DNMT1: variants seen among roughly 807,000 people sequenced by gnomAD.
DNMT1 encodes DNA (cytosine-5)-methyltransferase 1.
DNMT1 carries 24 observed loss-of-function variants against 205.3 expected under a neutral mutation model. That is an observed-to-expected ratio of 0.12 (90% CI 0.08 to 0.16). The LOEUF (loss-of-function observed/expected upper bound fraction) is 0.16. Ranked by LOEUF, DNMT1 falls within the 10% of genes least tolerant of loss-of-function variation. DNMT1 has a pLI of 1.00. For missense variants in DNMT1, 1,293 were observed against 2,177.7 expected (o/e 0.59, Z 8.09); for synonymous variants, 817 against 839.8 (o/e 0.97, Z 0.47).
At chr19:10,191,119 G>A (rs1654343686) in intron 1 of DNMT1, among the ~76,000 whole-genome samples, 1 of 148,700 alleles carries the variant, frequency 6.7e-6, no homozygotes, top group Non-Finnish European at 1.5e-5. Flanking sequence ...GCCTCGAGGG[G>A]GAAAAAGAAA....
At chr19:10,139,277 C>A (rs1254971422) in intron 34 of DNMT1, among the ~76,000 whole-genome samples, 1 of 152,194 alleles carries the variant, frequency 6.6e-6, no homozygotes, top group Non-Finnish European at 1.5e-5. Context: ...GTCTTTTAAA[C>A]CAATCGAACA....
At chr19:10,155,773 G>A (rs543472375) in intron 19 of DNMT1, 80 bp downstream of exon 19, 7 of 1,453,320 alleles carry the variant, frequency 4.8e-6, no homozygotes, top group South Asian at 2.4e-5. Flanking sequence ...ATTCCCACCA[G>A]AGCCCCGTCA....
chr19:10,143,859 C>A lies in DNMT1; in HGVS notation c.3023G>T (p.Arg1008Leu), dbSNP rs746527645. The A allele has an allele frequency of 3.1e-6, 5 of 1,614,106 alleles. No homozygotes were observed. Among genetic ancestry groups the A allele is most frequent in the Non-Finnish European group, 3.4e-6 (4 of 1,180,020 alleles). The change falls in exon 29 of 41, where the codon CGA (arginine) becomes CTA (leucine). Residue 1008 changes from arginine (R) to leucine (L), a missense_variant. By Grantham distance (102) the Arg-to-Leu change is moderately radical. Coordinates refer to ENST00000359526, the MANE Select transcript of DNMT1 (RefSeq NM_001130823.3). Reference protein sequence around the residue: ...GSNLDAPEPYRIGRIKEIFCP... With the variant: ...GSNLDAPEPYLIGRIKEIFCP... ...GAAGATCTCTTTGATCCGGCCAATT[C>A]GGTAGGGCTCAGGGGCATCCAGGTT... is the stretch of plus-strand genomic sequence containing the variant.
In DNMT1 at chr19:10,137,594, G is replaced by A. The variant is rs10854076; in HGVS notation, c.4293+238C>T. ...GCGGGGAGAGGCAGCAAGGGGGAAG[G>A]CAGTGGTGGGTGGGCAGTGGCTTGA... On this transcript the variant is annotated intron_variant, in intron 36 of 40. Coordinates refer to ENST00000359526, the MANE Select transcript of DNMT1 (RefSeq NM_001130823.3). This position sits in a 1 kb window ranked among gnomAD's most constrained non-coding sequence, Gnocchi z 6.4. 2.0e-5 allele frequency: 13 copies of A among 663,374 alleles called. No individual in the cohort carries two copies. Among genetic ancestry groups the A allele is most frequent in the Admixed American group, 2.6e-5 (1 of 38,356 alleles). The allele number at this position is 663,374 out of a possible 1,614,324, so 41.1% of individuals were successfully genotyped here. A position where few individuals can be genotyped will look rare whatever the true frequency, so the allele number is the denominator to read the frequency against.
Position 10,140,617 on chromosome 19 carries a change from C to T in DNMT1, c.3523+164G>A. On this transcript the variant is annotated intron_variant, in intron 32 of 40. Coordinates refer to ENST00000359526, the MANE Select transcript of DNMT1 (RefSeq NM_001130823.3). This position sits in a 1 kb window ranked among gnomAD's most constrained non-coding sequence, Gnocchi z 8.4. ...ACTCCTGACCTCATGATCCACCCAC[C>T]TCGGCCTCCCAAAGTGCTGGGATTA... 1 of 1,269,912 alleles carries T rather than the reference C, an allele frequency of 7.9e-7. No individual in the cohort carries two copies. The highest frequency in any genetic ancestry group is 1.2e-5 in the South Asian group (1 of 80,066). The allele number at this position is 1,269,912 out of a possible 1,614,324, so 78.7% of individuals were successfully genotyped here. A position where few individuals can be genotyped will look rare whatever the true frequency, so the allele number is the denominator to read the frequency against.
At chr19:10,135,963 T>C (rs1411032758) in intron 38 of DNMT1, 111 bp from the exon 39 acceptor site, 1 of 1,476,522 alleles carries the variant, frequency 6.8e-7, no homozygotes, top group Non-Finnish European at 9.1e-7. Context: ...CCTTGGCCTA[T>C]GAGCTTGTCC....
intron 9 of DNMT1, among the ~76,000 whole-genome samples, chr19:10,170,486 A>G (rs994099224): frequency 5.9e-5 from 9 of 152,096 alleles, no homozygotes; most frequent in Non-Finnish European, 1.0e-4. Flanking sequence ...TAAAAGTACA[A>G]AAAGTTAATT....
rs112660071 is a variant in DNMT1 at position 10,151,737 on chromosome 19, C to T, written c.2117+13G>A. On this transcript the variant is annotated intron_variant, in intron 23 of 40. Transcript: ENST00000359526. The surrounding 1 kb of genome is among the most constrained non-coding windows in gnomAD (Gnocchi z 5.0). Reference sequence around the variant, plus strand: ...AGTCCTCTGCCACAGGAGGAAGACTCGGCCTGACCTACCTCCGCTCTTGGC... The same window carrying T: ...AGTCCTCTGCCACAGGAGGAAGACTTGGCCTGACCTACCTCCGCTCTTGGC... 4,172 of 1,614,010 alleles carry T rather than the reference C, an allele frequency of 2.6e-3. 2 individuals are homozygous for T. Among genetic ancestry groups the T allele is most frequent in the Non-Finnish European group, 3.1e-3 (3,652 of 1,179,948 alleles).
rs2038408167 is a variant in DNMT1, at chr19:10,154,250, T to C, written c.2019+43A>G. 1 of 1,605,912 alleles carries C rather than the reference T, an allele frequency of 6.2e-7. No homozygotes were observed. Among genetic ancestry groups the C allele is most frequent in the South Asian group, 1.1e-5 (1 of 90,854 alleles). ...GCAGTCCTCAGATCAGGCCAGAGGCTGGGCCACCTTAGGGGAGCGGGAGCA... is the reference window on the plus strand; with the variant it reads ...GCAGTCCTCAGATCAGGCCAGAGGCCGGGCCACCTTAGGGGAGCGGGAGCA... On this transcript the variant is annotated intron_variant, in intron 22 of 40. Coordinates refer to ENST00000359526, the MANE Select transcript of DNMT1 (RefSeq NM_001130823.3). This position sits in a 1 kb window ranked among gnomAD's most constrained non-coding sequence, Gnocchi z 6.3.
intron 7 of DNMT1, among the ~76,000 whole-genome samples, chr19:10,175,088 C>T (rs10413872): frequency 0.2 from 21,529 of 110,080 alleles, 2,354 homozygotes; most frequent in East Asian, 0.49. Flanking sequence ...CATACATACA[C>T]ACACACACAC....
At chr19:10,135,673 C>G in intron 39 of DNMT1, 63 bp downstream of exon 39, 2 of 1,553,844 alleles carry the variant, frequency 1.3e-6, no homozygotes, top group South Asian at 2.3e-5. Flanking sequence ...GCCCCAGCCC[C>G]ACCTGGTGAC....
intron 1 of DNMT1, among the ~76,000 whole-genome samples, chr19:10,183,071 A>ACG (rs2039106187): frequency 2.7e-5 from 4 of 148,274 alleles, no homozygotes; most frequent in South Asian, 4.3e-4. Context: ...ATATGTATAC[A>ACG]TATGTGTGTG....
In DNMT1 at chr19:10,171,774, C is replaced by G. The variant is rs563161492; in HGVS notation, c.768+1316G>C. On this transcript the variant is annotated intron_variant, in intron 9 of 40. Transcript: ENST00000359526. ...GAGCGGAGATCAAGCCACTGCACTTCAGCCTGGGCGACAGAGCGAGACTCC... is the reference window on the plus strand; with the variant it reads ...GAGCGGAGATCAAGCCACTGCACTTGAGCCTGGGCGACAGAGCGAGACTCC... Among the ~76,000 whole-genome samples the G allele has an allele frequency of 8.2e-4, 124 of 151,878 alleles. 2 individuals carry two copies. Among genetic ancestry groups the G allele is most frequent in the African/African-American group, 2.8e-3 (114 of 41,380 alleles).
Position 10,194,858 on chromosome 19 carries a change from G to A in DNMT1, c.42C>T (p.Ala14=), listed in dbSNP as rs773637284. Residue 14 remains alanine (A), a synonymous_variant, in exon 1 of 41, where the codon GCC becomes GCT. Transcript: ENST00000359526. ...RTAPARVPTL[A]VPAISLPDDV... Reference sequence around the variant, plus strand: ...CGTCGGGCAGCGAGATGGCCGGGACGGCCAGTGTGGGCACCCGGGCTGGGG... The same window carrying A: ...CGTCGGGCAGCGAGATGGCCGGGACAGCCAGTGTGGGCACCCGGGCTGGGG... 8 of 1,611,324 alleles carry A rather than the reference G, an allele frequency of 5.0e-6. No individual in the cohort carries two copies. Among genetic ancestry groups the A allele is most frequent in the African/African-American group, 2.7e-5 (2 of 74,726 alleles).
rs1353760071 is a variant in DNMT1, at chr19:10,138,083, CT to C, written c.4116-75del. On this transcript the variant is annotated intron_variant, in intron 35 of 40. Coordinates refer to ENST00000359526, the MANE Select transcript of DNMT1 (RefSeq NM_001130823.3). The surrounding 1 kb of genome is among the most constrained non-coding windows in gnomAD (Gnocchi z 4.1). ...GTCCCCTCATCACAGGTGCCACCCC[CT>C]GCCTGCTCAGATGGCCTTCTCCCGA... 23 of 1,523,216 alleles carry C rather than the reference CT, an allele frequency of 1.5e-5. No individual in the cohort carries two copies. The East Asian group carries it at 4.8e-4, about 32-fold the overall frequency. The allele number at this position is 1,523,216 out of a possible 1,614,324, so 94.4% of individuals were successfully genotyped here.
intron 7 of DNMT1, among the ~76,000 whole-genome samples, chr19:10,175,124 CACACATAT>C (rs1291865461): frequency 8.7e-6 from 1 of 115,106 alleles, no homozygotes; most frequent in Non-Finnish European, 1.7e-5. Flanking sequence ...CACACACACA[CACACATAT>C]ATATAACATG....
chr19:10,179,404 TTG>T (rs1464735464), intron 5 of DNMT1, among the ~76,000 whole-genome samples: 1 of 152,008 alleles, frequency 6.6e-6, no homozygotes, highest in Non-Finnish European at 1.5e-5. Flanking sequence ...GGCAAATTTT[TTG>T]TATTTTCAGT....
At position 10,138,349 on chromosome 19, in the gene DNMT1, T is replaced by A; in HGVS notation, c.4115+90A>T. On this transcript the variant is annotated intron_variant, in intron 35 of 40. Coordinates refer to ENST00000359526, the MANE Select transcript of DNMT1 (RefSeq NM_001130823.3). This position sits in a 1 kb window ranked among gnomAD's most constrained non-coding sequence, Gnocchi z 4.1. ...GGGCAGATGCTGTACCATCCTCTCC[T>A]CCCCAAGCCTCACCAGGGAGTACTC... is the stretch of plus-strand genomic sequence containing the variant. The A allele has an allele frequency of 6.3e-7, 1 of 1,593,578 alleles. No individual in the cohort carries two copies. The highest frequency in any genetic ancestry group is 8.6e-7 in the Non-Finnish European group (1 of 1,168,830).
chr19:10,154,173 CA>C lies in DNMT1; in HGVS notation c.2019+119del. The C allele has an allele frequency of 7.6e-6, 8 of 1,057,466 alleles. No homozygotes were observed. Among genetic ancestry groups the C allele is most frequent in the South Asian group, 2.6e-5 (2 of 78,350 alleles). 65.5% of individuals were successfully genotyped at this position (1,057,466 alleles called of 1,614,324 possible). ...CCAGACCACTAACTAATTTCTGTCT[CA>C]GGGGTCACATTTGAGCAGCCAGAGT... On this transcript the variant is annotated intron_variant, in intron 22 of 40. Transcript: ENST00000359526. This position sits in a 1 kb window ranked among gnomAD's most constrained non-coding sequence, Gnocchi z 6.3.
Sources: allele counts gnomAD v4.1 joint callset (sites outside exome capture counted in the v4.1 genomes callset), GRCh38; gene constraint gnomAD v4.1.1; non-coding constraint Gnocchi (gnomAD v3.1); transcripts MANE v1.5; gene names NCBI Gene and HGNC (gene_info 2026-07-23, HGNC 2026-07-21).